UBE2E2: variants seen among roughly 807,000 people sequenced by gnomAD.
UBE2E2 encodes ubiquitin-conjugating enzyme E2 E2.
Under a neutral mutation model 24.7 loss-of-function variants are expected in UBE2E2, and 6 were observed. That is an observed-to-expected ratio of 0.24 (90% CI 0.13 to 0.48). The LOEUF (loss-of-function observed/expected upper bound fraction) is 0.48, where lower values mean the gene tolerates loss of function less well. Ranked by LOEUF, UBE2E2 falls within the 20% of genes least tolerant of loss-of-function variation. UBE2E2 has a pLI of 0.99. For missense variants in UBE2E2, 169 were observed against 245.0 expected (o/e 0.69, Z 2.07); for synonymous variants, 104 against 83.6 (o/e 1.24, Z -1.33).
chr3:23,516,349 A>G (rs772375646), intron 4 of UBE2E2, among the ~76,000 whole-genome samples: 15 of 152,204 alleles, frequency 9.9e-5, no homozygotes, highest in Non-Finnish European at 1.6e-4. Flanking sequence ...AAACTGCATT[A>G]TAACTGTGAA....
At chr3:23,356,277 C>T (rs1695947945) in intron 3 of UBE2E2, among the ~76,000 whole-genome samples, 1 of 152,162 alleles carries the variant, frequency 6.6e-6, no homozygotes, top group East Asian at 1.9e-4. Context: ...CAGTAACCTA[C>T]AGGGCTACAG....
chr3:23,581,695 CT>C (rs1413142689), intron 5 of UBE2E2, among the ~76,000 whole-genome samples: 1 of 152,180 alleles, frequency 6.6e-6, no homozygotes, highest in Non-Finnish European at 1.5e-5. Flanking sequence ...CTATGCTATA[CT>C]ATCTTTGTGT....
chr3:23,348,143 T>G (rs1183081539), intron 3 of UBE2E2, among the ~76,000 whole-genome samples: 2 of 152,142 alleles, frequency 1.3e-5, no homozygotes, highest in Non-Finnish European at 2.9e-5. Context: ...ATACAGGGGC[T>G]ACTTAAGGAG....
At chr3:23,350,369 G>C (rs1308631525) in intron 3 of UBE2E2, among the ~76,000 whole-genome samples, 1 of 152,226 alleles carries the variant, frequency 6.6e-6, no homozygotes, top group Non-Finnish European at 1.5e-5. Flanking sequence ...ACCAGCAATG[G>C]AACGAAGCTG....
At chr3:23,521,883 C>T (rs754276766) in intron 4 of UBE2E2, among the ~76,000 whole-genome samples, 17 of 151,786 alleles carry the variant, frequency 1.1e-4, no homozygotes, top group East Asian at 1.9e-4. Flanking sequence ...GATGGATCCC[C>T]GTGTACCCCC....
chr3:23,554,730 A>G (rs1695733421), intron 5 of UBE2E2, among the ~76,000 whole-genome samples: 1 of 152,148 alleles, frequency 6.6e-6, no homozygotes, highest in Non-Finnish European at 1.5e-5. Context: ...AAATGTAACT[A>G]CATCAAACTG....
intron 3 of UBE2E2, among the ~76,000 whole-genome samples, chr3:23,397,724 G>T (rs1213672730): frequency 3.3e-5 from 5 of 152,100 alleles, no homozygotes. Context: ...CATTTTCTTT[G>T]AAGTAGTATT....
At chr3:23,261,066 G>A (rs1202953999) in intron 3 of UBE2E2, among the ~76,000 whole-genome samples, 1 of 152,048 alleles carries the variant, frequency 6.6e-6, no homozygotes, top group African/African-American at 2.4e-5. Flanking sequence ...TTGTGCCACT[G>A]CACTCCAGCC....
chr3:23,418,356 C>T (rs1414238898), intron 3 of UBE2E2, among the ~76,000 whole-genome samples: 1 of 152,136 alleles, frequency 6.6e-6, no homozygotes, highest in East Asian at 1.9e-4. Context: ...AATGCCCCAC[C>T]CTCCATGGGC....
intron 3 of UBE2E2, among the ~76,000 whole-genome samples, chr3:23,331,520 G>A (rs527801499): frequency 6.6e-6 from 1 of 151,918 alleles, no homozygotes; most frequent in Non-Finnish European, 1.5e-5. Flanking sequence ...GGGGGGTAAG[G>A]TGGTGATTTC....
chr3:23,335,597 C>CA (rs1264209309), intron 3 of UBE2E2, among the ~76,000 whole-genome samples: 1 of 152,180 alleles, frequency 6.6e-6, no homozygotes, highest in Non-Finnish European at 1.5e-5. Context: ...GTGGCACTAT[C>CA]ATGGCTCACT....
At chr3:23,230,106 A>G (rs528226311) in intron 3 of UBE2E2, among the ~76,000 whole-genome samples, 2 of 152,174 alleles carry the variant, frequency 1.3e-5, no homozygotes, top group Non-Finnish European at 2.9e-5. Flanking sequence ...GCTATCCACC[A>G]TTATATTCTA....
At chr3:23,501,164 G>A (rs114357315) in intron 4 of UBE2E2, among the ~76,000 whole-genome samples, 1 of 152,314 alleles carries the variant, frequency 6.6e-6, no homozygotes, top group African/African-American at 2.4e-5. Flanking sequence ...AGGATGCACA[G>A]AGTGAGGAAG....
At chr3:23,257,906 T>C (rs144889972) in intron 3 of UBE2E2, among the ~76,000 whole-genome samples, 2 of 152,110 alleles carry the variant, frequency 1.3e-5, no homozygotes, top group Non-Finnish European at 2.9e-5. Context: ...GTATTTTTGC[T>C]TTTCTTTCAT....
chr3:23,226,914 T>A (rs1696841830), intron 3 of UBE2E2, among the ~76,000 whole-genome samples: 2 of 150,688 alleles, frequency 1.3e-5, no homozygotes, highest in Admixed American at 1.3e-4. Flanking sequence ...GTAAGAAAAG[T>A]GTTGCATGAA....
chr3:23,433,820 A>G (rs972157779), intron 3 of UBE2E2, among the ~76,000 whole-genome samples: 1 of 152,024 alleles, frequency 6.6e-6, no homozygotes, highest in Non-Finnish European at 1.5e-5. Flanking sequence ...AACTAATAGA[A>G]GTATATCATG....
chr3:23,264,417 AT>A (rs1697988517), intron 3 of UBE2E2, among the ~76,000 whole-genome samples: 1 of 152,122 alleles, frequency 6.6e-6, no homozygotes, highest in African/African-American at 2.4e-5. Flanking sequence ...AATAGCACAC[AT>A]AAAACCTATT....
rs1335801681 is a variant in UBE2E2 at position 23,589,707 on chromosome 3, T to G, written c.509-27T>G. On this transcript the variant is annotated intron_variant, in intron 5 of 5. Coordinates refer to ENST00000396703, the MANE Select transcript of UBE2E2 (RefSeq NM_152653.4). The surrounding 1 kb of genome is among the most constrained non-coding windows in gnomAD (Gnocchi z 4.1). Reference sequence around the variant, plus strand: ...CTTCCCCCACAGTGCTGGTATTTACTGACTCCCAACTCTGCTTTCCTTGCA... The same window carrying G: ...CTTCCCCCACAGTGCTGGTATTTACGGACTCCCAACTCTGCTTTCCTTGCA... 1.2e-6 allele frequency: 2 copies of G among 1,612,186 alleles called. No individual in the cohort carries two copies. The highest frequency in any genetic ancestry group is 2.7e-5 in the African/African-American group (2 of 74,888).
intron 3 of UBE2E2, among the ~76,000 whole-genome samples, chr3:23,341,352 G>T (rs1464601245): frequency 6.6e-6 from 1 of 151,972 alleles, no homozygotes; most frequent in Non-Finnish European, 1.5e-5. Context: ...CACATTGTGT[G>T]GATGAAGAAA....
Sources: allele counts gnomAD v4.1 joint callset (sites outside exome capture counted in the v4.1 genomes callset), GRCh38; gene constraint gnomAD v4.1.1; non-coding constraint Gnocchi (gnomAD v3.1); transcripts MANE v1.5; gene names NCBI Gene and HGNC (gene_info 2026-07-23, HGNC 2026-07-21).